MIPOL1: variants seen among roughly 807,000 people sequenced by gnomAD.
The protein encoded by MIPOL1 is mirror-image polydactyly gene 1 protein.
A neutral mutation model predicts 60.9 loss-of-function variants in MIPOL1; 57 were observed. That is an observed-to-expected ratio of 0.94 (90% CI 0.76 to 1.17). The LOEUF is 1.17. Ranked by LOEUF, MIPOL1 falls within the 50% of genes most tolerant of loss-of-function variation. MIPOL1 has a pLI of 0.00. For missense variants in MIPOL1, 551 were observed against 511.6 expected, an observed-to-expected ratio of 1.08 and a Z score of -0.74; for synonymous variants, 179 against 168.8, an observed-to-expected ratio of 1.06 and a Z score of -0.47.
intron 1 of MIPOL1, among the ~76,000 whole-genome samples, chr14:37,235,775 A>G (rs1028958121): frequency 6.6e-6 from 1 of 152,022 alleles, no homozygotes; most frequent in African/African-American, 2.4e-5. Flanking sequence ...GATAACCTCT[A>G]TTCTACTTTC....
chr14:37,373,531 C>G (rs917603604), intron 10 of MIPOL1, among the ~76,000 whole-genome samples: 2 of 151,814 alleles, frequency 1.3e-5, no homozygotes, highest in Admixed American at 1.3e-4. Context: ...TATTTCTCCT[C>G]CCCTAGCGCC....
At chr14:37,539,340 AAAAG>A (rs2095520563) in intron 12 of MIPOL1, among the ~76,000 whole-genome samples, 2 of 152,250 alleles carry the variant, frequency 1.3e-5, no homozygotes, top group Non-Finnish European at 1.5e-5. Flanking sequence ...AGATGTCAAA[AAAAG>A]AGAAGTTTGC....
At chr14:37,204,182 C>T (rs949921029) in intron 1 of MIPOL1, among the ~76,000 whole-genome samples, 6 of 152,048 alleles carry the variant, frequency 3.9e-5, no homozygotes, top group Non-Finnish European at 7.3e-5. Context: ...GCTGACACTT[C>T]GATTCCAGCC....
At chr14:37,504,710 GCAAA>G (rs2095258236) in intron 12 of MIPOL1, 1 of 152,136 alleles carries the variant, frequency 6.6e-6, no homozygotes, top group African/African-American at 2.4e-5. Context: ...AGAAGCAAGA[GCAAA>G]CAAATTCAAA....
At chr14:37,470,006 A>C (rs1263986548) in intron 11 of MIPOL1, among the ~76,000 whole-genome samples, 1 of 152,222 alleles carries the variant, frequency 6.6e-6, no homozygotes, top group Non-Finnish European at 1.5e-5. Context: ...TGTGTAAAAC[A>C]GCATAATTAG....
At chr14:37,206,711 G>C (rs1966147810) in intron 1 of MIPOL1, among the ~76,000 whole-genome samples, 1 of 152,236 alleles carries the variant, frequency 6.6e-6, no homozygotes, top group African/African-American at 2.4e-5. Context: ...AGCTGCCCAA[G>C]ATGTAGGAAC....
chr14:37,509,674 A>G (rs2095309999), intron 12 of MIPOL1, among the ~76,000 whole-genome samples: 1 of 144,006 alleles, frequency 6.9e-6, no homozygotes, highest in Non-Finnish European at 1.5e-5. Flanking sequence ...GTGCATGTAC[A>G]TATGTATATA....
intron 3 of MIPOL1, among the ~76,000 whole-genome samples, chr14:37,258,402 A>G (rs1975320064): frequency 6.6e-6 from 1 of 152,064 alleles, no homozygotes; most frequent in South Asian, 2.1e-4. Flanking sequence ...CGTGTTTTTA[A>G]TTAACTTATA....
chr14:37,402,736 T>A (rs1439253850), intron 10 of MIPOL1, among the ~76,000 whole-genome samples: 1 of 152,236 alleles, frequency 6.6e-6, no homozygotes, highest in Admixed American at 6.5e-5. Context: ...AATCAGATGT[T>A]CATTATATAT....
chr14:37,239,461 G>T (rs1972020680), intron 1 of MIPOL1, among the ~76,000 whole-genome samples: 2 of 152,118 alleles, frequency 1.3e-5, no homozygotes, highest in Non-Finnish European at 2.9e-5. Context: ...TTAAAAAAAT[G>T]TGTCTTCAGA....
At chr14:37,356,736 G>A (rs1022149650) in intron 9 of MIPOL1, among the ~76,000 whole-genome samples, 9 of 152,260 alleles carry the variant, frequency 5.9e-5, no homozygotes, top group Non-Finnish European at 1.0e-4. Flanking sequence ...TGCGCTTCCC[G>A]AGTGAGGCAA....
At chr14:37,524,565 C>CTTTTTTTTTTTTTTT (rs1173993657) in intron 12 of MIPOL1, among the ~76,000 whole-genome samples, 1 of 124,848 alleles carries the variant, frequency 8.0e-6, no homozygotes, top group Admixed American at 8.8e-5. Flanking sequence ...TTTTCTTTTT[C>CTTTTTTTTTTTTTTT]TTTTCTTTTT....
chr14:37,348,641 A>G (rs867654495), intron 9 of MIPOL1, among the ~76,000 whole-genome samples: 1 of 151,706 alleles, frequency 6.6e-6, no homozygotes, highest in African/African-American at 2.4e-5. Flanking sequence ...ATTATATATT[A>G]AGGTCAGAAA....
intron 1 of MIPOL1, among the ~76,000 whole-genome samples, chr14:37,220,919 G>A (rs1286250482): frequency 2.6e-5 from 4 of 152,110 alleles, no homozygotes; most frequent in Admixed American, 6.6e-5. Context: ...AGGAATACAG[G>A]TGTGCACCAC....
intron 10 of MIPOL1, among the ~76,000 whole-genome samples, chr14:37,386,012 G>A (rs971677589): frequency 6.6e-6 from 1 of 151,790 alleles, no homozygotes; most frequent in African/African-American, 2.4e-5. Flanking sequence ...ACCTACAAAT[G>A]TAATTTTCCC....
chr14:37,470,422 C>T (rs1178488514), intron 11 of MIPOL1, among the ~76,000 whole-genome samples: 1 of 151,966 alleles, frequency 6.6e-6, no homozygotes, highest in African/African-American at 2.4e-5. Context: ...GACGGATTTC[C>T]CCCTTGCTGT....
chr14:37,303,248 T>C (rs2086476452), intron 7 of MIPOL1, among the ~76,000 whole-genome samples: 1 of 151,896 alleles, frequency 6.6e-6, no homozygotes, highest in African/African-American at 2.4e-5. Flanking sequence ...AGACTCAAAG[T>C]CAGTCAATTA....
At chr14:37,530,652 G>GT (rs1387087605) in intron 12 of MIPOL1, among the ~76,000 whole-genome samples, 1 of 152,152 alleles carries the variant, frequency 6.6e-6, no homozygotes. Flanking sequence ...CAAGGCTGCA[G>GT]TTTGAGGTAT....
At chr14:37,349,974 TA>T (rs141670042) in intron 9 of MIPOL1, among the ~76,000 whole-genome samples, 22 of 152,218 alleles carry the variant, frequency 1.4e-4, no homozygotes, top group African/African-American at 3.9e-4. Context: ...ATAGTTCTAA[TA>T]TTTTTTTTTA....
Sources: gnomAD v4.1 joint callset for allele counts (sites outside exome capture counted in the v4.1 genomes callset) on GRCh38, gnomAD v4.1.1 for gene constraint, MANE v1.5 for transcripts, NCBI Gene and HGNC (gene_info 2026-07-23, HGNC 2026-07-21) for gene names.